The following SLC24A2 variants were observed in gnomAD, a reference collection of about 807,000 sequenced individuals.
SLC24A2 encodes the protein sodium/potassium/calcium exchanger 2.
In SLC24A2, 36 loss-of-function variants were observed where a neutral mutation model predicts 62.0. The observed-to-expected ratio is 0.58, with a 90% CI of 0.44 to 0.77. The LOEUF (loss-of-function observed/expected upper bound fraction) is 0.77. Among genes scored for constraint, SLC24A2 ranks in the 30% least tolerant of loss-of-function variants. The probability of loss-of-function intolerance (pLI) is 0.00; values close to 1 mark genes in which losing one functional copy is unlikely to be tolerated. For synonymous variants in SLC24A2, 358 were observed against 294.0 expected (o/e 1.22, Z -2.23); for missense variants, 846 against 817.9 (o/e 1.03, Z -0.42).
the SLC24A2 span, among the ~76,000 whole-genome samples, chr9:19,901,707 C>T: frequency 6.6e-6 from 1 of 152,142 alleles, no homozygotes; most frequent in Admixed American, 6.5e-5. Flanking sequence ...AAGGCTGAAG[C>T]TGGGACATGA....
chr9:19,692,123 G>T (rs545171904), intron 2 of SLC24A2, among the ~76,000 whole-genome samples: 25 of 152,228 alleles, frequency 1.6e-4, no homozygotes, highest in Non-Finnish European at 2.2e-4. Context: ...GATACCAAAT[G>T]TCATACTTAT....
the SLC24A2 span, among the ~76,000 whole-genome samples, chr9:20,154,116 G>C: frequency 1.3e-5 from 2 of 151,816 alleles, no homozygotes; most frequent in Non-Finnish European, 2.9e-5. Flanking sequence ...GTTTGATTTA[G>C]TCTGATGTAT....
chr9:19,809,372 G>C, the SLC24A2 span, among the ~76,000 whole-genome samples: 1 of 152,112 alleles, frequency 6.6e-6, no homozygotes, highest in Non-Finnish European at 1.5e-5. Context: ...ACATGTTAAG[G>C]ATTTACAAAA....
chr9:20,078,115 G>A, the SLC24A2 span, among the ~76,000 whole-genome samples: 12 of 152,208 alleles, frequency 7.9e-5, no homozygotes, highest in Middle Eastern at 3.4e-3. Flanking sequence ...AGAAAAAAAT[G>A]CTTGATTAAC....
chr9:20,164,402 A>G, the SLC24A2 span, among the ~76,000 whole-genome samples: 7 of 152,226 alleles, frequency 4.6e-5, no homozygotes, highest in African/African-American at 1.4e-4. Context: ...ATCACTGGCC[A>G]TCAGAGAAAT....
chr9:20,023,212 G>A, the SLC24A2 span, among the ~76,000 whole-genome samples: 2 of 152,134 alleles, frequency 1.3e-5, no homozygotes, highest in African/African-American at 4.8e-5. Context: ...ATGGTCCCAA[G>A]GTTTGAAATT....
the SLC24A2 span, among the ~76,000 whole-genome samples, chr9:20,238,214 C>T: frequency 6.6e-6 from 1 of 152,102 alleles, no homozygotes; most frequent in African/African-American, 2.4e-5. Flanking sequence ...TTCATTTCAC[C>T]CTCACATCCA....
the SLC24A2 span, among the ~76,000 whole-genome samples, chr9:20,154,159 A>T: frequency 6.6e-6 from 1 of 151,910 alleles, no homozygotes; most frequent in African/African-American, 2.4e-5. Flanking sequence ...ACAATAGCAA[A>T]TTAGGGAAAA....
intron 4 of SLC24A2, among the ~76,000 whole-genome samples, chr9:19,609,091 C>G (rs1047950832): frequency 6.6e-6 from 1 of 152,254 alleles, no homozygotes; most frequent in Non-Finnish European, 1.5e-5. Flanking sequence ...TCCTGAGGGT[C>G]TGGCAAGCCT....
chr9:19,609,109 C>T (rs1038325650), intron 4 of SLC24A2, among the ~76,000 whole-genome samples: 2 of 152,260 alleles, frequency 1.3e-5, no homozygotes, highest in African/African-American at 4.8e-5. Flanking sequence ...CCTTGCTTGC[C>T]TGCAGCCAGT....
intron 7 of SLC24A2, among the ~76,000 whole-genome samples, chr9:19,569,192 C>T (rs1835766149): frequency 6.6e-6 from 1 of 152,096 alleles, no homozygotes; most frequent in African/African-American, 2.4e-5. Flanking sequence ...ACATATGCTG[C>T]TATTGCTTCC....
chr9:19,664,141 T>C (rs1283006973), intron 2 of SLC24A2, among the ~76,000 whole-genome samples: 1 of 152,196 alleles, frequency 6.6e-6, no homozygotes, highest in African/African-American at 2.4e-5. Flanking sequence ...AAACCTAAAA[T>C]CTGAGTTTGG....
At chr9:19,970,020 A>G in the SLC24A2 span, among the ~76,000 whole-genome samples, 2 of 152,338 alleles carry the variant, frequency 1.3e-5, no homozygotes, top group South Asian at 2.1e-4. Context: ...TGCTTCACAC[A>G]TCTTCAGAAG....
At chr9:19,541,855 G>T (rs1412480137) in intron 8 of SLC24A2, among the ~76,000 whole-genome samples, 1 of 151,740 alleles carries the variant, frequency 6.6e-6, no homozygotes, top group African/African-American at 2.4e-5. Context: ...AGCAATCAGC[G>T]AGATTCCGTG....
At chr9:20,132,407 T>C in the SLC24A2 span, among the ~76,000 whole-genome samples, 1 of 152,104 alleles carries the variant, frequency 6.6e-6, no homozygotes, top group Non-Finnish European at 1.5e-5. Context: ...AAGTAAAACC[T>C]TTAGGTTATT....
intron 9 of SLC24A2, among the ~76,000 whole-genome samples, chr9:19,522,054 G>A (rs935811525): frequency 2.6e-5 from 4 of 152,110 alleles, no homozygotes; most frequent in Non-Finnish European, 4.4e-5. Context: ...TGTTGCCCAG[G>A]CTAGAGTGCA....
chr9:19,961,228 T>C, the SLC24A2 span, among the ~76,000 whole-genome samples: 1 of 150,256 alleles, frequency 6.7e-6, no homozygotes, highest in Non-Finnish European at 1.5e-5. Context: ...TAAAGTATAA[T>C]AATAATAAAA....
At chr9:19,971,082 T>C in the SLC24A2 span, among the ~76,000 whole-genome samples, 1 of 152,204 alleles carries the variant, frequency 6.6e-6, no homozygotes, top group African/African-American at 2.4e-5. Flanking sequence ...CTTATGGGTT[T>C]CCACTTGTTC....
chr9:19,808,069 C>T, the SLC24A2 span, among the ~76,000 whole-genome samples: 1 of 152,110 alleles, frequency 6.6e-6, no homozygotes, highest in Non-Finnish European at 1.5e-5. This position sits in a 1 kb window ranked among gnomAD's most constrained non-coding sequence, Gnocchi z 4.1. Context: ...TTCTGCTCCC[C>T]AAGGACTCCC....
Sources: gnomAD v4.1 joint callset for allele counts (sites outside exome capture counted in the v4.1 genomes callset) on GRCh38, gnomAD v4.1.1 for gene constraint, Gnocchi (gnomAD v3.1) non-coding constraint, MANE v1.5 for transcripts, NCBI Gene and HGNC (gene_info 2026-07-23, HGNC 2026-07-21) for gene names.